Variants in ZNF177 observed in about 807,000 individuals in gnomAD.
ZNF177 encodes zinc finger protein 177.
ZNF177 carries 17 observed loss-of-function variants against 19.4 expected under a neutral mutation model. That is an observed-to-expected ratio of 0.87 (90% CI 0.60 to 1.31). The LOEUF (loss-of-function observed/expected upper bound fraction) is 1.31, where lower values mean the gene tolerates loss of function less well. Among genes scored for constraint, ZNF177 ranks in the 40% most tolerant of loss-of-function variants. The pLI, the probability that ZNF177 is intolerant of heterozygous loss-of-function variation, is 0.00. For synonymous variants in ZNF177, 220 were observed against 188.7 expected (o/e 1.17, Z -1.36); for missense variants, 633 against 561.8 (o/e 1.13, Z -1.28).
intron 2 of ZNF177, among the ~76,000 whole-genome samples, chr19:9,366,498 C>T (rs2067981740): frequency 6.6e-6 from 1 of 152,074 alleles, no homozygotes; most frequent in Non-Finnish European, 1.5e-5. Context: ...TAATGTGATC[C>T]ACCCACTACA....
downstream of ZNF177, chr19:9,382,274 T>C (rs1287187163): frequency 2.5e-6 from 1 of 398,336 alleles, no homozygotes; most frequent in Admixed American, 4.4e-5. Context: ...CCATGCAAAG[T>C]AGGCAGAAGT....
intron 2 of ZNF177, among the ~76,000 whole-genome samples, chr19:9,365,227 G>A (rs2067961138): frequency 6.6e-6 from 1 of 152,106 alleles, no homozygotes; most frequent in Admixed American, 6.6e-5. Flanking sequence ...GTTGATATAA[G>A]GAGGAAGGTT....
chr19:9,378,909 A>G (rs1293452341), intron 2 of ZNF177, 53 bp from the exon 5 acceptor site: 1 of 1,543,014 alleles, frequency 6.5e-7, no homozygotes, highest in African/African-American at 1.4e-5. Flanking sequence ...TTCTCCTGGT[A>G]CATTGTCAAA....
chr19:9,369,628 C>A lies in ZNF177; in HGVS notation c.-304-1982C>A, dbSNP rs78380730. Among the ~76,000 whole-genome samples the A allele has an allele frequency of 2.6e-4, 39 of 151,344 alleles. No individual in the cohort carries two copies. In the East Asian group the frequency reaches 3.1e-3, roughly 12 times the overall value. On this transcript the variant is annotated intron_variant, in intron 2 of 8. Transcript: ENST00000343499. ...CAGTCAGACATTTTTTACCATCTTA[C>A]ATTTTACATTGTGCTTTTCATTTGA...
chr19:9,382,191 G>C (rs187950846), downstream of ZNF177: 830 of 404,446 alleles, frequency 2.1e-3, 9 homozygotes, highest in Admixed American at 0.019. Flanking sequence ...TTTAGTTCAA[G>C]CTGGCAATGT....
At chr19:9,367,792 G>A in intron 2 of ZNF177, among the ~76,000 whole-genome samples, 1 of 152,078 alleles carries the variant, frequency 6.6e-6, no homozygotes, top group East Asian at 1.9e-4. Flanking sequence ...ATTGTAAACT[G>A]CTGTTAATAG....
At chr19:9,381,673 G>C (rs199690899) in exon 6 of ZNF177, 2 of 1,614,102 alleles carry the variant, frequency 1.2e-6, no homozygotes, top group African/African-American at 2.7e-5. Context: ...AACTCACACT[G>C]GAGAGAAGCC....
chr19:9,376,570 T>C (rs1372644047), intron 1 of ZNF177, 147 bp downstream of exon 3: 2 of 152,152 alleles, frequency 1.3e-5, no homozygotes, highest in Non-Finnish European at 2.9e-5. Context: ...CTCCATAATA[T>C]AGGTTCTTGC....
At chr19:9,379,140 C>T (rs770547727) in intron 3 of ZNF177, 52 bp downstream of exon 5, 2 of 1,544,584 alleles carry the variant, frequency 1.3e-6, no homozygotes. Context: ...AGTTCTTAAG[C>T]ACATATTATG....
exon 6 of ZNF177, chr19:9,381,979 C>T (rs2068210574): frequency 1.4e-6 from 1 of 721,092 alleles, no homozygotes; most frequent in Non-Finnish European, 2.1e-6. Context: ...TGTGTCACAA[C>T]TGTAGATCCT....
chr19:9,379,706 G>GA, intron 4 of ZNF177, 87 bp downstream of exon 6: 4 of 1,460,252 alleles, frequency 2.7e-6, no homozygotes, highest in Non-Finnish European at 3.7e-6. Flanking sequence ...AAAGAAATCT[G>GA]AGGCCATGAC....
rs1442253573 is a variant in ZNF177, at chr19:9,379,511, C to T, written c.161-16C>T. ...CTCACACATTTCTCCCACATCCTTG[C>T]TTTCTGCGTGAGCAGGGTATCAGCT... On this transcript the variant is annotated splice_polypyrimidine_tract_variant and intron_variant, in intron 3 of 5. Transcript: ENST00000589262. 3 of 1,611,068 alleles carry T rather than the reference C, an allele frequency of 1.9e-6. No individual in the cohort carries two copies. Among genetic ancestry groups the T allele is most frequent in the Non-Finnish European group, 2.5e-6 (3 of 1,178,910 alleles).
At chr19:9,378,138 G>A in intron 1 of ZNF177, 121 bp from the exon 4 acceptor site, 1 of 848,092 alleles carries the variant, frequency 1.2e-6, no homozygotes, top group Non-Finnish European at 1.7e-6. Flanking sequence ...GGATAAGGAG[G>A]CAAATTGTAA....
chr19:9,380,554 G>A (rs1013762750), intron 5 of ZNF177, 114 bp from the exon 8 acceptor site: 4 of 1,531,508 alleles, frequency 2.6e-6, no homozygotes, highest in Admixed American at 4.0e-5. Context: ...TGGTACACAT[G>A]TCAGTCATGA....
intron 2 of ZNF177, among the ~76,000 whole-genome samples, chr19:9,365,416 G>A (rs984646453): frequency 1.3e-5 from 2 of 151,902 alleles, no homozygotes; most frequent in African/African-American, 4.8e-5. Context: ...AGGGACCGGG[G>A]GGTTCTTGCA....
chr19:9,377,788 G>T (rs2068132244), intron 1 of ZNF177, among the ~76,000 whole-genome samples: 1 of 152,126 alleles, frequency 6.6e-6, no homozygotes, highest in Admixed American at 6.6e-5. Context: ...GTCCTTATGA[G>T]TTACTCCTTA....
chr19:9,367,247 C>T (rs764727653), intron 2 of ZNF177, among the ~76,000 whole-genome samples: 10 of 151,550 alleles, frequency 6.6e-5, no homozygotes, highest in Non-Finnish European at 1.2e-4. Context: ...CTGAACCTGG[C>T]GAGGTTGCAG....
upstream of ZNF177, among the ~76,000 whole-genome samples, chr19:9,374,533 G>A (rs1188202285): frequency 6.6e-6 from 1 of 152,072 alleles, no homozygotes; most frequent in African/African-American, 2.4e-5. Context: ...CTTCCCATTT[G>A]TTTGTGTCTT....
intron 3 of ZNF177, 38 bp downstream of exon 5, chr19:9,379,126 A>C: frequency 6.4e-7 from 1 of 1,569,646 alleles, no homozygotes; most frequent in South Asian, 1.2e-5. Flanking sequence ...TTTATGTAGC[A>C]AATAGTTCTT....
Sources: allele counts gnomAD v4.1 joint callset (sites outside exome capture counted in the v4.1 genomes callset), GRCh38; gene constraint gnomAD v4.1.1; transcripts MANE v1.5; gene names NCBI Gene and HGNC (gene_info 2026-07-23, HGNC 2026-07-21).